Variants in SASH1 observed in about 807,000 individuals in gnomAD.
SASH1 encodes SAM and SH3 domain containing 1, also known as SAM and SH3 domain-containing protein 1.
In SASH1, 44 loss-of-function variants were observed where a neutral mutation model predicts 125.2. That is an observed-to-expected ratio of 0.35 (90% CI 0.28 to 0.45). The LOEUF (loss-of-function observed/expected upper bound fraction) is 0.45. Ranked by LOEUF, SASH1 falls within the 20% of genes least tolerant of loss-of-function variation. SASH1 has a pLI of 1.00. For missense variants in SASH1, 1,426 were observed against 1,614.5 expected, an observed-to-expected ratio of 0.88 and a Z score of 2.00; for synonymous variants, 639 against 649.1, an observed-to-expected ratio of 0.98 and a Z score of 0.24.
At chr6:148,207,676 T>G in the SASH1 span, among the ~76,000 whole-genome samples, 2 of 152,232 alleles carry the variant, frequency 1.3e-5, no homozygotes, top group African/African-American at 2.4e-5. Flanking sequence ...TGGATTCATT[T>G]GCCCCTGCTT....
chr6:148,311,988 G>A (rs1017780045), intron 1 of SASH1, among the ~76,000 whole-genome samples: 12 of 152,160 alleles, frequency 7.9e-5, no homozygotes, highest in African/African-American at 2.9e-4. Context: ...GTTACACTGA[G>A]TCACCTGGAT....
Position 148,533,964 on chromosome 6 carries a change from A to G in SASH1, c.1928A>G (p.Asp643Gly). The change falls in exon 15 of 20, where the codon GAT (aspartate) becomes GGT (glycine). Residue 643 changes from aspartate (D) to glycine (G), a missense_variant. By Grantham distance (94) the Asp-to-Gly change is moderately conservative. Around this residue, in one of 3 missense-constraint regions of SASH1, gnomAD observed 225 missense variants for 344.5 expected, o/e 0.65. Coordinates refer to ENST00000367467, the MANE Select transcript of SASH1 (RefSeq NM_015278.5). This position sits in a 1 kb window ranked among gnomAD's most constrained non-coding sequence, Gnocchi z 6.2. ...CCCAAGTCTGTGGAGGATCTCCTGGATCGGATTAACCTAAAAGTCAGTCGC... is the reference window on the plus strand; with the variant it reads ...CCCAAGTCTGTGGAGGATCTCCTGGGTCGGATTAACCTAAAAGTCAGTCGC... ...PQPKSVEDLL[D>G]RINLKEHMPT... 6.2e-7 allele frequency: 1 copy of G among 1,613,946 alleles called. No homozygotes were observed. Among genetic ancestry groups the G allele is most frequent in the South Asian group, 1.1e-5 (1 of 91,070 alleles).
the SASH1 span, among the ~76,000 whole-genome samples, chr6:148,213,902 C>A: frequency 6.6e-6 from 1 of 152,152 alleles, no homozygotes; most frequent in Admixed American, 6.5e-5. Context: ...GGGTTCTAAG[C>A]CATTATTTTC....
At chr6:148,251,710 T>C in the SASH1 span, among the ~76,000 whole-genome samples, 1 of 151,958 alleles carries the variant, frequency 6.6e-6, no homozygotes, top group East Asian at 1.9e-4. Flanking sequence ...TACTTTAAGT[T>C]TTAGGGTACA....
intron 2 of SASH1, among the ~76,000 whole-genome samples, chr6:148,435,041 T>C (rs535344560): frequency 1.6e-4 from 5 of 31,094 alleles, no homozygotes; most frequent in African/African-American, 6.0e-4. Context: ...TTGTCTCTAT[T>C]GGAGGGGGTG....
intron 1 of SASH1, among the ~76,000 whole-genome samples, chr6:148,336,758 G>A (rs551606934): frequency 2.0e-5 from 3 of 152,284 alleles, no homozygotes; most frequent in East Asian, 1.9e-4. Context: ...CCTCTGATTG[G>A]TTGAGCTTAA....
chr6:148,426,810 C>T (rs1775843738), intron 2 of SASH1, among the ~76,000 whole-genome samples: 1 of 152,104 alleles, frequency 6.6e-6, no homozygotes, highest in Admixed American at 6.5e-5. Flanking sequence ...TTATGTTAGT[C>T]AATCCCAGTG....
intron 2 of SASH1, 80 bp downstream of exon 2, chr6:148,390,342 C>A: frequency 1.5e-6 from 2 of 1,369,344 alleles, no homozygotes; most frequent in Non-Finnish European, 2.0e-6. Flanking sequence ...TATCCCAGTG[C>A]TAGCTCTTCC....
chr6:148,350,893 T>C (rs1035226809), intron 1 of SASH1, among the ~76,000 whole-genome samples: 1 of 152,244 alleles, frequency 6.6e-6, no homozygotes, highest in Non-Finnish European at 1.5e-5. Context: ...ATCTATTTAT[T>C]AATTCACTTT....
intron 2 of SASH1, among the ~76,000 whole-genome samples, chr6:148,399,179 C>CAG (rs1562380689): frequency 1.4e-5 from 2 of 147,182 alleles, no homozygotes; most frequent in Non-Finnish European, 3.0e-5. Context: ...GAGAGAGCTT[C>CAG]AGATTTTTCA....
chr6:148,514,489 C>T, intron 9 of SASH1, 33 bp downstream of exon 9: 1 of 1,147,512 alleles, frequency 8.7e-7, no homozygotes, highest in South Asian at 1.6e-5. Context: ...AAAAAAAAGG[C>T]AGACTCCACC....
chr6:148,212,645 T>C, the SASH1 span, among the ~76,000 whole-genome samples: 1 of 152,202 alleles, frequency 6.6e-6, no homozygotes, highest in African/African-American at 2.4e-5. Context: ...AAGATAAGAA[T>C]AGAATTACAT....
At chr6:148,505,875 A>T (rs1779772142) in intron 8 of SASH1, among the ~76,000 whole-genome samples, 1 of 151,744 alleles carries the variant, frequency 6.6e-6, no homozygotes, top group East Asian at 2.0e-4. Context: ...TGACCTCGTG[A>T]TCCGCCCACC....
intron 7 of SASH1, among the ~76,000 whole-genome samples, chr6:148,482,992 AC>A (rs1778697481): frequency 6.6e-6 from 1 of 152,058 alleles, no homozygotes. Context: ...CCTGGTTCAA[AC>A]TTTTCTTAAT....
intron 8 of SASH1, chr6:148,508,911 G>T (rs2115303502): frequency 3.4e-6 from 4 of 1,178,744 alleles, no homozygotes; most frequent in Non-Finnish European, 3.4e-6. Context: ...GGGAAAGAAA[G>T]AATGTGTTTT....
chr6:148,281,086 G>A (rs1779328281), intron 1 of SASH1, among the ~76,000 whole-genome samples: 1 of 149,988 alleles, frequency 6.7e-6, no homozygotes, highest in South Asian at 2.1e-4. Context: ...GGAATCACAG[G>A]CATGCACCAC....
intron 2 of SASH1, among the ~76,000 whole-genome samples, chr6:148,430,766 A>G (rs1336560017): frequency 6.6e-6 from 1 of 152,254 alleles, no homozygotes; most frequent in East Asian, 1.9e-4. Context: ...CTGGATGTAT[A>G]GCAGGTTCCC....
chr6:148,223,097 A>C, the SASH1 span, among the ~76,000 whole-genome samples: 1 of 152,190 alleles, frequency 6.6e-6, no homozygotes, highest in African/African-American at 2.4e-5. Context: ...ACTCTCTTAA[A>C]AAAGACCCAA....
chr6:148,247,846 C>T, the SASH1 span, among the ~76,000 whole-genome samples: 1 of 152,236 alleles, frequency 6.6e-6, no homozygotes, highest in African/African-American at 2.4e-5. Flanking sequence ...CCACCCTGGC[C>T]ACTCTGGCCC....
Sources: allele counts gnomAD v4.1 joint callset (sites outside exome capture counted in the v4.1 genomes callset), GRCh38; gene constraint gnomAD v4.1.1; regional missense constraint gnomAD v4.1.1; non-coding constraint Gnocchi (gnomAD v3.1); transcripts MANE v1.5; gene names NCBI Gene and HGNC (gene_info 2026-07-23, HGNC 2026-07-21).